The following ADAMTS20 variants were observed in gnomAD, a reference collection of about 807,000 sequenced individuals.
The protein encoded by ADAMTS20 is ADAM metallopeptidase with thrombospondin type 1 motif 20.
A neutral mutation model predicts 260.1 loss-of-function variants in ADAMTS20; 225 were observed. That is an observed-to-expected ratio of 0.87 (90% CI 0.78 to 0.97). The LOEUF is 0.97. ADAMTS20 is among the 50% of genes least tolerant of loss of function. ADAMTS20 has a pLI of 0.00. For synonymous variants in ADAMTS20, 802 were observed against 769.5 expected (o/e 1.04, Z -0.70); for missense variants, 2,400 against 2,337.7 (o/e 1.03, Z -0.55).
chr12:43,422,183 A>C (rs910881033), intron 28 of ADAMTS20, among the ~76,000 whole-genome samples: 8 of 152,014 alleles, frequency 5.3e-5, no homozygotes, highest in Non-Finnish European at 1.2e-4. Flanking sequence ...CATGAAGAAA[A>C]TTTAAATGTA....
intron 28 of ADAMTS20, among the ~76,000 whole-genome samples, chr12:43,402,960 G>A (rs1366808028): frequency 6.6e-6 from 1 of 151,934 alleles, no homozygotes; most frequent in African/African-American, 2.4e-5. Flanking sequence ...ACATACAAGT[G>A]CCCTGAACTG....
intron 2 of ADAMTS20, 43 bp from the exon 3 acceptor site, chr12:43,532,238 C>A: frequency 6.5e-7 from 1 of 1,545,494 alleles, no homozygotes; most frequent in Non-Finnish European, 8.7e-7. Context: ...CTAACAGTCG[C>A]CAAGAAGAAA....
intron 6 of ADAMTS20, among the ~76,000 whole-genome samples, chr12:43,491,981 A>C (rs1319792611): frequency 6.6e-6 from 1 of 152,232 alleles, no homozygotes; most frequent in Non-Finnish European, 1.5e-5. Context: ...TTCCTAGAGA[A>C]CTAACTAGTA....
At position 43,528,347 on chromosome 12, in the gene ADAMTS20, G is replaced by GAAAAAAAAAAAAAAAAAAAA. The variant is rs1565583137; in HGVS notation, c.613+3688_613+3689insTTTTTTTTTTTTTTTTTTTT. Among the ~76,000 whole-genome samples, 17 of 2,306 alleles carry GAAAAAAAAAAAAAAAAAAAA rather than the reference G, an allele frequency of 7.4e-3. 1 individual carries two copies. The highest frequency in any genetic ancestry group is 0.013 in the African/African-American group (17 of 1,322). The allele number at this position is 2,306 out of a possible 152,430, so 1.5% of individuals were successfully genotyped here. On this transcript the variant is annotated intron_variant, in intron 3 of 38. Transcript: ENST00000389420. ...AGACCAACAGCCAAGGCAATCCTAAGCAAAAAAAAAAAAAAAAAAAAAAAA... is the reference window on the plus strand; with the variant it reads ...AGACCAACAGCCAAGGCAATCCTAAGAAAAAAAAAAAAAAAAAAAACAAAAAAAAAAAAAAAAAAAAAAAA...
rs764082250 is a variant in ADAMTS20 at position 43,376,672 on chromosome 12, T to A, written c.4996-19A>T. The A allele has an allele frequency of 1.6e-5, 26 of 1,590,788 alleles. No individual in the cohort carries two copies. Among genetic ancestry groups the A allele is most frequent in the Non-Finnish European group, 1.1e-5 (13 of 1,172,946 alleles). On this transcript the variant is annotated intron_variant, in intron 32 of 38. Transcript: ENST00000389420. Reference sequence around the variant, plus strand: ...CTGAGCACTGTGAAAAGAGTAAAATTTGAAGGCAAACTATATTATGAATCT... The same window carrying A: ...CTGAGCACTGTGAAAAGAGTAAAATATGAAGGCAAACTATATTATGAATCT...
At chr12:43,354,496 A>G (rs556878572) in intron 38 of ADAMTS20, among the ~76,000 whole-genome samples, 198 bp from the exon 39 acceptor site, 4 of 152,260 alleles carry the variant, frequency 2.6e-5, no homozygotes, top group South Asian at 2.1e-4. Context: ...GTTAAAGGAT[A>G]TTAGATAACC....
intron 31 of ADAMTS20, among the ~76,000 whole-genome samples, chr12:43,381,046 C>G (rs1036490953): frequency 5.9e-5 from 9 of 152,054 alleles, no homozygotes; most frequent in Admixed American, 5.9e-4. Context: ...GCATATAGAT[C>G]AAGAAAATAG....
intron 27 of ADAMTS20, 44 bp from the exon 28 acceptor site, chr12:43,425,734 G>A (rs775625442): frequency 1.2e-5 from 16 of 1,347,704 alleles, no homozygotes; most frequent in Non-Finnish European, 1.5e-5. Context: ...GTTTTAAAGA[G>A]AATAATGTAT....
chr12:43,538,953 C>CTTCTT (rs1943335353), intron 2 of ADAMTS20, among the ~76,000 whole-genome samples: 1 of 117,554 alleles, frequency 8.5e-6, no homozygotes, highest in African/African-American at 3.2e-5. Context: ...TATGAACATT[C>CTTCTT]TTTTTTTTTT....
intron 7 of ADAMTS20, among the ~76,000 whole-genome samples, chr12:43,471,062 C>T (rs1942247943): frequency 6.6e-6 from 1 of 152,094 alleles, no homozygotes; most frequent in Admixed American, 6.6e-5. Context: ...TTCTGCATTT[C>T]CATCTGAGGT....
At chr12:43,435,784 C>A (rs1406645436) in intron 18 of ADAMTS20, among the ~76,000 whole-genome samples, 1 of 149,724 alleles carries the variant, frequency 6.7e-6, no homozygotes, top group African/African-American at 2.5e-5. Context: ...AATAAATAAA[C>A]CTTTATTGTT....
At chr12:43,463,967 G>T (rs769982401) in intron 10 of ADAMTS20, among the ~76,000 whole-genome samples, 1 of 152,048 alleles carries the variant, frequency 6.6e-6, no homozygotes, top group Non-Finnish European at 1.5e-5. Context: ...GTAAAGCATG[G>T]ATTCACCAAA....
chr12:43,405,154 G>A (rs987377182), intron 28 of ADAMTS20, among the ~76,000 whole-genome samples: 7 of 145,600 alleles, frequency 4.8e-5, no homozygotes, highest in African/African-American at 1.8e-4. Context: ...AGCACTTTGG[G>A]AGGCTGAGGC....
chr12:43,451,256 T>A (rs1461415920), intron 14 of ADAMTS20, among the ~76,000 whole-genome samples: 1 of 152,150 alleles, frequency 6.6e-6, no homozygotes, highest in Non-Finnish European at 1.5e-5. Context: ...ACTTACTATA[T>A]TCTTTAGACC....
intron 33 of ADAMTS20, 89 bp from the exon 34 acceptor site, chr12:43,376,419 A>G: frequency 6.9e-7 from 1 of 1,449,970 alleles, no homozygotes; most frequent in Non-Finnish European, 9.3e-7. Context: ...CACTCTGAAT[A>G]TCTGACACTT....
At chr12:43,463,022 C>T in intron 10 of ADAMTS20, 23 bp from the exon 11 acceptor site, 1 of 1,542,170 alleles carries the variant, frequency 6.5e-7, no homozygotes, top group East Asian at 2.3e-5. Flanking sequence ...AAAAGGCAGG[C>T]AAGCCAGTGT....
At position 43,428,465 on chromosome 12, in the gene ADAMTS20, T is replaced by C. The variant is rs1315603268; in HGVS notation, c.3721A>G (p.Ile1241Val). Residue 1241 changes from isoleucine to valine, a missense_variant, in exon 26 of 39, where the codon ATT (isoleucine) becomes GTT (valine). Coordinates refer to ENST00000389420, the MANE Select transcript of ADAMTS20 (RefSeq NM_025003.5). ...TCAGGATCACAGTAATTCTCATCAA[T>C]TGGCTGATGGTAGTTCATGCATAAA... ...QVLCMNYHQPIDENYCDPEVR... is the reference protein window; with the variant it reads ...QVLCMNYHQPVDENYCDPEVR... 10 of 1,613,856 alleles carry C rather than the reference T, an allele frequency of 6.2e-6. No homozygotes were observed. Among genetic ancestry groups the C allele is most frequent in the African/African-American group, 1.3e-5 (1 of 74,932 alleles).
intron 7 of ADAMTS20, among the ~76,000 whole-genome samples, chr12:43,475,436 A>C (rs549784091): frequency 0.014 from 1,990 of 141,142 alleles, 44 homozygotes; most frequent in African/African-American, 0.048. Context: ...TACAGATTCA[A>C]TGCCATCCCC....
Position 43,521,605 on chromosome 12 carries a change from AT to A in ADAMTS20, c.613+10430del, listed in dbSNP as rs374350615. On this transcript the variant is annotated intron_variant, in intron 3 of 38. Transcript: ENST00000389420. The stretch of plus-strand genomic sequence containing the variant: ...TTATCATTCAAAGCCAAAATTACAT[AT>A]TTTTTTAGAAGCTGCCACAGCAACT... Among the ~76,000 whole-genome samples the A allele has an allele frequency of 8.2e-3, 1,251 of 152,240 alleles. 18 individuals are homozygous for A. Among genetic ancestry groups the A allele is most frequent in the African/African-American group, 0.028 (1,152 of 41,540 alleles).
Sources: allele counts gnomAD v4.1 joint callset (sites outside exome capture counted in the v4.1 genomes callset), GRCh38; gene constraint gnomAD v4.1.1; transcripts MANE v1.5; gene names NCBI Gene and HGNC (gene_info 2026-07-23, HGNC 2026-07-21).